The following ARHGEF28 variants were observed in gnomAD, a reference collection of about 807,000 sequenced individuals.
ARHGEF28 encodes 190 kDa guanine nucleotide exchange factor.
A neutral mutation model predicts 206.6 loss-of-function variants in ARHGEF28; 152 were observed. The ratio of observed to expected loss-of-function variants is 0.74; its 90% confidence interval spans 0.64 to 0.84. The LOEUF (loss-of-function observed/expected upper bound fraction) is 0.84. ARHGEF28 is among the 40% of genes least tolerant of loss of function. The probability of loss-of-function intolerance (pLI) is 0.00; values close to 1 mark genes in which losing one functional copy is unlikely to be tolerated. For synonymous variants in ARHGEF28, 763 were observed against 776.4 expected (o/e 0.98, Z 0.29); for missense variants, 2,028 against 2,073.2 (o/e 0.98, Z 0.42).
At chr5:73,884,600 C>T (rs762195853) in intron 24 of ARHGEF28, among the ~76,000 whole-genome samples, 18 of 152,136 alleles carry the variant, frequency 1.2e-4, no homozygotes, top group Admixed American at 3.9e-4. Context: ...TTAAAAAGGG[C>T]TTGGGTTTGG....
intron 35 of ARHGEF28, among the ~76,000 whole-genome samples, chr5:73,916,072 T>G (rs1004676826): frequency 1.3e-5 from 2 of 152,206 alleles, no homozygotes; most frequent in East Asian, 3.8e-4. Flanking sequence ...TAATTTTTTT[T>G]TAAAAGACAG....
At chr5:73,691,668 C>T (rs191148983) in intron 2 of ARHGEF28, among the ~76,000 whole-genome samples, 10 of 152,334 alleles carry the variant, frequency 6.6e-5, no homozygotes, top group African/African-American at 2.4e-4. Flanking sequence ...TATACATATA[C>T]AAGCTTTAGT....
intron 9 of ARHGEF28, among the ~76,000 whole-genome samples, chr5:73,827,077 TATA>T (rs1484986393): frequency 6.6e-6 from 1 of 152,198 alleles, no homozygotes; most frequent in Non-Finnish European, 1.5e-5. Context: ...ATCCTGCAGT[TATA>T]ATCCCTCCCA....
At chr5:73,730,209 C>T (rs1016348550) in intron 2 of ARHGEF28, among the ~76,000 whole-genome samples, 4 of 152,024 alleles carry the variant, frequency 2.6e-5, no homozygotes, top group Non-Finnish European at 5.9e-5. Context: ...TCAACTTATC[C>T]TCAAATGTAG....
chr5:73,689,866 G>A (rs1440452800), intron 2 of ARHGEF28, among the ~76,000 whole-genome samples: 3 of 152,068 alleles, frequency 2.0e-5, no homozygotes, highest in Non-Finnish European at 4.4e-5. Flanking sequence ...ATTAGGAGGT[G>A]TATTTTAAGC....
At chr5:73,909,351 A>G (rs1762728781) in intron 33 of ARHGEF28, 61 bp from the exon 34 acceptor site, 6 of 1,517,450 alleles carry the variant, frequency 4.0e-6, no homozygotes, top group Non-Finnish European at 5.3e-6. Context: ...TCCAACCGAA[A>G]GGGTAAACAA....
intron 2 of ARHGEF28, among the ~76,000 whole-genome samples, chr5:73,726,635 T>C (rs1048845787): frequency 6.6e-6 from 1 of 152,240 alleles, no homozygotes; most frequent in Admixed American, 6.5e-5. Flanking sequence ...TCCAGAATTC[T>C]ATGCTGAATA....
chr5:73,785,292 T>A (rs1754093921), intron 7 of ARHGEF28, among the ~76,000 whole-genome samples: 1 of 152,168 alleles, frequency 6.6e-6, no homozygotes, highest in African/African-American at 2.4e-5. Context: ...TTCTCTAAAT[T>A]AATGGATCAC....
intron 7 of ARHGEF28, among the ~76,000 whole-genome samples, chr5:73,793,532 G>T (rs1428825121): frequency 2.0e-5 from 3 of 152,176 alleles, no homozygotes; most frequent in Non-Finnish European, 4.4e-5. Context: ...CCCAGGATTA[G>T]CATAAAGCAG....
chr5:73,661,397 A>G (rs1414155077), intron 1 of ARHGEF28, among the ~76,000 whole-genome samples: 1 of 152,154 alleles, frequency 6.6e-6, no homozygotes, highest in Non-Finnish European at 1.5e-5. Context: ...TCTCCGTATC[A>G]GCAATAAGGC....
At chr5:73,681,323 A>G (rs1464875607) in intron 1 of ARHGEF28, among the ~76,000 whole-genome samples, 2 of 152,174 alleles carry the variant, frequency 1.3e-5, no homozygotes, top group Non-Finnish European at 1.5e-5. Flanking sequence ...AATTTTTTAA[A>G]TGCCTTCTTG....
intron 4 of ARHGEF28, among the ~76,000 whole-genome samples, chr5:73,761,893 G>A (rs1364882889): frequency 6.6e-6 from 1 of 151,700 alleles, no homozygotes; most frequent in Non-Finnish European, 1.5e-5. Context: ...ATGGGGTGTC[G>A]CTGTATTGCC....
rs779206175 is a variant in ARHGEF28, at chr5:73,893,217, G to A, written c.3587G>A (p.Gly1196Glu). Residue 1196 changes from glycine to glutamate, a missense_variant, in exon 28 of 36, where the codon GGA (glycine) becomes GAA (glutamate). By Grantham distance (98) the Gly-to-Glu change is moderately conservative. Coordinates refer to ENST00000513042, the MANE Select transcript of ARHGEF28 (RefSeq NM_001177693.2). ...AVESCPEEKGGRTSESDEDKR... is the reference protein window; with the variant it reads ...AVESCPEEKGERTSESDEDKR... ...TAAAGTTGTCCTGAAGAAAAAGGGG[G>A]AAGGACAAGTGAATCTGATGAAGAC... 6.4e-6 allele frequency: 10 copies of A among 1,554,082 alleles called. No individual in the cohort carries two copies. Among genetic ancestry groups the A allele is most frequent in the South Asian group, 1.2e-5 (1 of 82,058 alleles).
chr5:73,793,375 G>T (rs1754599898), intron 7 of ARHGEF28, among the ~76,000 whole-genome samples: 1 of 152,314 alleles, frequency 6.6e-6, no homozygotes, highest in African/African-American at 2.4e-5. Flanking sequence ...AAACATGGAT[G>T]ATAACTCCTA....
chr5:73,915,651 T>TA (rs963400235), intron 35 of ARHGEF28, among the ~76,000 whole-genome samples: 18 of 152,246 alleles, frequency 1.2e-4, no homozygotes, highest in African/African-American at 3.6e-4. Flanking sequence ...GAAACAACAA[T>TA]AAAAAAACCC....
At chr5:73,763,434 A>G (rs1752720099) in intron 4 of ARHGEF28, among the ~76,000 whole-genome samples, 1 of 152,208 alleles carries the variant, frequency 6.6e-6, no homozygotes, top group African/African-American at 2.4e-5. Flanking sequence ...GCGAATGGCC[A>G]GTTTCCTGGT....
intron 35 of ARHGEF28, among the ~76,000 whole-genome samples, chr5:73,914,872 T>A (rs954708687): frequency 7.2e-5 from 11 of 152,134 alleles, no homozygotes; most frequent in African/African-American, 2.7e-4. Flanking sequence ...GCCTCCTGAG[T>A]AGATGGGACT....
intron 9 of ARHGEF28, among the ~76,000 whole-genome samples, chr5:73,804,755 A>C (rs1755342455): frequency 6.6e-6 from 1 of 152,160 alleles, no homozygotes; most frequent in African/African-American, 2.4e-5. Flanking sequence ...GAAGACCCAA[A>C]GGTAAAGTGC....
At chr5:73,751,095 A>G (rs1206412341) in intron 3 of ARHGEF28, among the ~76,000 whole-genome samples, 1 of 152,212 alleles carries the variant, frequency 6.6e-6, no homozygotes, top group East Asian at 1.9e-4. Flanking sequence ...TGCATCGTTA[A>G]AAGAAAGAAA....
Sources: gnomAD v4.1 joint callset for allele counts (sites outside exome capture counted in the v4.1 genomes callset) on GRCh38, gnomAD v4.1.1 for gene constraint, MANE v1.5 for transcripts, NCBI Gene and HGNC (gene_info 2026-07-23, HGNC 2026-07-21) for gene names.